The following PVR variants were observed in gnomAD, a reference collection of about 807,000 sequenced individuals.
The protein encoded by PVR is poliovirus receptor.
In PVR, 39 loss-of-function variants were observed where a neutral mutation model predicts 43.3. That is an observed-to-expected ratio of 0.90 (90% CI 0.70 to 1.18). The LOEUF (loss-of-function observed/expected upper bound fraction) is 1.18, where lower values mean the gene tolerates loss of function less well. Ranked by LOEUF, PVR falls within the 50% of genes most tolerant of loss-of-function variation. The pLI is 0.00. For synonymous variants in PVR, 224 were observed against 233.2 expected (o/e 0.96, Z 0.36); for missense variants, 480 against 549.7 (o/e 0.87, Z 1.27).
At chr19:44,654,606 C>G (rs1353591098) in intron 4 of PVR, among the ~76,000 whole-genome samples, 1 of 152,202 alleles carries the variant, frequency 6.6e-6, no homozygotes, top group Non-Finnish European at 1.5e-5. Context: ...GGTTAAAGAC[C>G]AGCCACGAGA....
At chr19:44,652,376 T>A (rs538076302) in intron 3 of PVR, among the ~76,000 whole-genome samples, 1 of 151,736 alleles carries the variant, frequency 6.6e-6, no homozygotes, top group African/African-American at 2.4e-5. Flanking sequence ...TTTTTGTTTT[T>A]GTTTTTGTTT....
chr19:44,659,939 A>T (rs1238496141), intron 6 of PVR, among the ~76,000 whole-genome samples: 1 of 152,212 alleles, frequency 6.6e-6, no homozygotes, highest in Non-Finnish European at 1.5e-5. Flanking sequence ...CAGATCTTTG[A>T]CTACCAAGCT....
chr19:44,652,028 G>A (rs944154133), intron 3 of PVR, among the ~76,000 whole-genome samples: 1 of 151,914 alleles, frequency 6.6e-6, no homozygotes, highest in African/African-American at 2.4e-5. Flanking sequence ...ACGGTGGCGG[G>A]TGCCTGTAAT....
At chr19:44,647,145 T>A in intron 1 of PVR, 78 bp from the exon 2 acceptor site, 1 of 909,788 alleles carries the variant, frequency 1.1e-6, no homozygotes, top group Non-Finnish European at 1.5e-6. Context: ...CACGCCCAGG[T>A]GCCCGGGCTC....
chr19:44,662,710 G>T lies in PVR; in HGVS notation c.*899G>T, dbSNP rs776082259. The T allele has an allele frequency of 1.3e-5, 2 of 152,234 alleles. No homozygotes were observed. Among genetic ancestry groups the T allele is most frequent in the East Asian group, 1.9e-4 (1 of 5,202 alleles). The allele number at this position is 152,234 out of a possible 1,614,324, so 9.4% of individuals were successfully genotyped here. On this transcript the variant is annotated 3_prime_UTR_variant, in exon 8 of 8. Transcript: ENST00000425690. ...TGAATGCCCAGGAGCTGAGGATAAAGGGCCCGATCTTTCTTTGGGCAAGGT... is the reference window on the plus strand; with the variant it reads ...TGAATGCCCAGGAGCTGAGGATAAATGGCCCGATCTTTCTTTGGGCAAGGT...
In PVR at chr19:44,661,928, T is replaced by G; in HGVS notation, c.*117T>G. On this transcript the variant is annotated 3_prime_UTR_variant, in exon 8 of 8. Transcript: ENST00000425690. ...CCAAAGAGACCAGCCTCCCTCCCTG[T>G]GCCAGACCTCAAAACGACGGGGGCA... 1.0e-6 allele frequency: 1 copy of G among 970,278 alleles called. No individual in the cohort carries two copies. The highest frequency in any genetic ancestry group is 1.6e-6 in the Non-Finnish European group (1 of 636,518). The allele number at this position is 970,278 out of a possible 1,614,324, so 60.1% of individuals were successfully genotyped here. A position where few individuals can be genotyped will look rare whatever the true frequency, so the allele number is the denominator to read the frequency against.
At chr19:44,659,775 C>T (rs1973547634) in intron 6 of PVR, among the ~76,000 whole-genome samples, 1 of 152,256 alleles carries the variant, frequency 6.6e-6, no homozygotes, top group Non-Finnish European at 1.5e-5. Flanking sequence ...AGCCACCACA[C>T]CTGGCCTGTA....
intron 6 of PVR, 122 bp from the exon 7 acceptor site, chr19:44,661,170 C>A: frequency 2.3e-6 from 2 of 866,608 alleles, no homozygotes; most frequent in East Asian, 2.5e-5. Context: ...AGGGAAATGG[C>A]ACCCCCATGT....
At chr19:44,654,678 A>G (rs1030229677) in intron 4 of PVR, among the ~76,000 whole-genome samples, 2 of 152,254 alleles carry the variant, frequency 1.3e-5, no homozygotes, top group African/African-American at 4.8e-5. Context: ...CTCTTGGCCA[A>G]GCTTGTCTAA....
intron 3 of PVR, among the ~76,000 whole-genome samples, chr19:44,653,040 T>C (rs958991565): frequency 6.8e-5 from 10 of 147,666 alleles, no homozygotes; most frequent in Middle Eastern, 3.5e-3. Flanking sequence ...TAGACTAAGC[T>C]CCCACATCAT....
intron 3 of PVR, among the ~76,000 whole-genome samples, chr19:44,652,316 A>G (rs1180862052): frequency 6.6e-6 from 1 of 151,798 alleles, no homozygotes; most frequent in Non-Finnish European, 1.5e-5. Flanking sequence ...CCTCAGCCTC[A>G]GTCTCCTGAG....
chr19:44,661,279 C>T lies in PVR; in HGVS notation c.1151-13C>T. 1 of 1,612,692 alleles carries T rather than the reference C, an allele frequency of 6.2e-7. No homozygotes were observed. Among genetic ancestry groups the T allele is most frequent in the Non-Finnish European group, 8.5e-7 (1 of 1,178,702 alleles). ...TTATTCCTTCCTGACGACTTCCCCT[C>T]CTATTTCCCCAGGTACAGAGCATGC... is the stretch of plus-strand genomic sequence containing the variant. On this transcript the variant is annotated splice_polypyrimidine_tract_variant and intron_variant, in intron 6 of 7. Transcript: ENST00000425690.
Position 44,650,561 on chromosome 19 carries a change from CT to C in PVR, c.724+475del, listed in dbSNP as rs869225120. Among the ~76,000 whole-genome samples, 960 of 135,518 alleles carry C rather than the reference CT, an allele frequency of 7.1e-3. 5 individuals carry two copies. Among genetic ancestry groups the C allele is most frequent in the African/African-American group, 0.019 (690 of 35,580 alleles). 88.9% of individuals were successfully genotyped at this position (135,518 alleles called of 152,430 possible). A position where few individuals can be genotyped will look rare whatever the true frequency, so the allele number is the denominator to read the frequency against. On this transcript the variant is annotated intron_variant, in intron 3 of 7. Transcript: ENST00000425690. The stretch of plus-strand genomic sequence containing the variant: ...ACTCCCTTGTCCTTTTCTTTCTTTC[CT>C]TTTTTTTTTTTTTTTTTTGAAATAG...
At position 44,644,096 on chromosome 19, in the gene PVR, C is replaced by T. The variant is rs11540085; in HGVS notation, c.-1C>T. 0.019 allele frequency: 28,307 copies of T among 1,514,500 alleles called. 334 individuals are homozygous for T. Among genetic ancestry groups the T allele is most frequent in the Non-Finnish European group, 0.023 (25,684 of 1,137,476 alleles). 93.8% of individuals were successfully genotyped at this position (1,514,500 alleles called of 1,614,324 possible). ...AGGCCCAGCTGCTCGGAGCAACTGG[C>T]ATGGCCCGAGCCATGGCCGCCGCGT... On this transcript the variant is annotated 5_prime_UTR_variant, in exon 1 of 8. Coordinates refer to ENST00000425690, the MANE Select transcript of PVR (RefSeq NM_006505.5).
chr19:44,657,452 G>A (rs1424367939), intron 4 of PVR, among the ~76,000 whole-genome samples: 1 of 152,210 alleles, frequency 6.6e-6, no homozygotes, highest in Non-Finnish European at 1.5e-5. Context: ...ACGAGGGGGC[G>A]AGGGCAGAAA....
At chr19:44,647,077 T>TGCCCCCCCCCCC in intron 1 of PVR, 146 bp from the exon 2 acceptor site, 1 of 311,374 alleles carries the variant, frequency 3.2e-6, no homozygotes, top group Non-Finnish European at 5.7e-6. Flanking sequence ...GTGCCCCAGT[T>TGCCCCCCCCCCC]CCCCCTCCCC....
chr19:44,660,011 G>C (rs1022801321), intron 6 of PVR, among the ~76,000 whole-genome samples: 12 of 152,140 alleles, frequency 7.9e-5, no homozygotes, highest in Non-Finnish European at 1.6e-4. Flanking sequence ...GCCTCGTCCA[G>C]GAAGCCCTCC....
intron 3 of PVR, among the ~76,000 whole-genome samples, chr19:44,650,902 G>T (rs901895227): frequency 4.0e-5 from 6 of 151,586 alleles, no homozygotes; most frequent in Non-Finnish European, 8.8e-5. Flanking sequence ...ACAGGGTCTC[G>T]CTCTGTCACC....
chr19:44,657,857 A>G lies in PVR; in HGVS notation c.938A>G (p.Asn313Ser), dbSNP rs1568505188. The G allele has an allele frequency of 1.9e-6, 3 of 1,613,946 alleles. No individual in the cohort carries two copies. The highest frequency in any genetic ancestry group is 2.2e-5 in the East Asian group (1 of 44,866). The change falls in exon 5 of 8, where the codon AAC becomes AGC. Residue 313 changes from asparagine to serine, a missense_variant. Coordinates refer to ENST00000425690, the MANE Select transcript of PVR (RefSeq NM_006505.5). Reference protein sequence around the residue: ...DKPINTTLICNVTNALGARQA... With the variant: ...DKPINTTLICSVTNALGARQA... ...CCAATCAACACAACTTTAATCTGCAACGTCACCAATGCCCTAGGAGCTCGC... is the reference window on the plus strand; with the variant it reads ...CCAATCAACACAACTTTAATCTGCAGCGTCACCAATGCCCTAGGAGCTCGC...
Sources: gnomAD v4.1 joint callset for allele counts (sites outside exome capture counted in the v4.1 genomes callset) on GRCh38, gnomAD v4.1.1 for gene constraint, MANE v1.5 for transcripts, NCBI Gene and HGNC (gene_info 2026-07-23, HGNC 2026-07-21) for gene names.